The following PLEKHH2 variants were observed in gnomAD, a reference collection of about 807,000 sequenced individuals.
PLEKHH2 encodes pleckstrin homology, MyTH4 and FERM domain containing H2.
PLEKHH2 carries 129 observed loss-of-function variants against 187.9 expected under a neutral mutation model. The observed-to-expected ratio is 0.69, with a 90% CI of 0.59 to 0.79. PLEKHH2 has a LOEUF of 0.79. Among genes scored for constraint, PLEKHH2 ranks in the 30% least tolerant of loss-of-function variants. The pLI is 0.00. For synonymous variants in PLEKHH2, 686 were observed against 605.6 expected, an observed-to-expected ratio of 1.13 and a Z score of -1.95; for missense variants, 2,076 against 1,751.2, an observed-to-expected ratio of 1.19 and a Z score of -3.31.
intron 14 of PLEKHH2, 126 bp from the exon 15 acceptor site, chr2:43,712,099 T>G: frequency 7.4e-7 from 1 of 1,350,422 alleles, no homozygotes; most frequent in South Asian, 1.4e-5. Context: ...ATTTAGAAAC[T>G]GGGACTTGAG....
intron 2 of PLEKHH2, among the ~76,000 whole-genome samples, chr2:43,667,836 G>A (rs938212492): frequency 2.6e-5 from 4 of 152,114 alleles, no homozygotes; most frequent in African/African-American, 7.2e-5. Flanking sequence ...TGTTTGAGGT[G>A]ATGAAACTGT....
At chr2:43,744,092 C>T (rs1193250820) in intron 23 of PLEKHH2, 103 bp downstream of exon 23, 6 of 1,463,300 alleles carry the variant, frequency 4.1e-6, no homozygotes, top group Non-Finnish European at 5.4e-6. Flanking sequence ...AGGAGTTTTC[C>T]AAAACTTTAA....
chr2:43,659,155 A>ATTTTTTTCTTTTTT (rs1258327636), intron 2 of PLEKHH2, among the ~76,000 whole-genome samples: 3 of 142,796 alleles, frequency 2.1e-5, no homozygotes, highest in African/African-American at 5.7e-5. Flanking sequence ...GTATATATAT[A>ATTTTTTTCTTTTTT]TTTTTTTCTT....
intron 14 of PLEKHH2, 141 bp downstream of exon 14, chr2:43,710,716 A>T (rs1287616901): frequency 2.1e-6 from 3 of 1,431,264 alleles, no homozygotes; most frequent in Non-Finnish European, 2.7e-6. Context: ...CCTTGGAAGT[A>T]TGTGAAACTC....
At chr2:43,657,289 AT>A (rs939665343) in intron 2 of PLEKHH2, among the ~76,000 whole-genome samples, 5 of 152,162 alleles carry the variant, frequency 3.3e-5, no homozygotes, top group South Asian at 2.1e-4. Context: ...AGTAGTTGGG[AT>A]TACAGGTGCT....
chr2:43,655,024 C>G (rs894498638), intron 2 of PLEKHH2, among the ~76,000 whole-genome samples: 3 of 151,592 alleles, frequency 2.0e-5, no homozygotes, highest in Non-Finnish European at 4.4e-5. Flanking sequence ...GAGTGAGACT[C>G]CATCTCAAAA....
chr2:43,678,570 C>T (rs1248592300), intron 2 of PLEKHH2, among the ~76,000 whole-genome samples: 5 of 152,098 alleles, frequency 3.3e-5, no homozygotes, highest in Admixed American at 6.5e-5. Flanking sequence ...ACCAGTCAGG[C>T]GTGGCGGCGC....
At chr2:43,678,421 T>C (rs959751556) in intron 2 of PLEKHH2, among the ~76,000 whole-genome samples, 17 of 152,128 alleles carry the variant, frequency 1.1e-4, no homozygotes, top group Non-Finnish European at 1.8e-4. Flanking sequence ...CTGGGCACCA[T>C]TGAGCACTGA....
chr2:43,690,966 T>A (rs189864475), intron 3 of PLEKHH2, among the ~76,000 whole-genome samples: 1 of 152,354 alleles, frequency 6.6e-6, no homozygotes. Context: ...ATATTATCCA[T>A]GTAGGTTGGC....
intron 5 of PLEKHH2, among the ~76,000 whole-genome samples, 187 bp downstream of exon 5, chr2:43,694,701 T>C (rs1292447546): frequency 1.3e-5 from 2 of 152,202 alleles, no homozygotes; most frequent in East Asian, 1.9e-4. Flanking sequence ...AAATTAAACA[T>C]ATTAATAGAC....
Position 43,745,938 on chromosome 2 carries a change from A to T in PLEKHH2, c.3628A>T (p.Thr1210Ser), listed in dbSNP as rs764948155. ...QQPGKCEGTR[T>S]VRLTYKNRLY... ...GCCTGGAAAATGTGAAGGTACAAGG[A>T]CTGTTCGTCTGACATACAAAAACAG... Residue 1210 changes from threonine (T) to serine (S), a missense_variant, in exon 24 of 30, where the codon ACT (threonine) becomes TCT (serine). Thr to Ser is a moderately conservative substitution (Grantham distance 58). Transcript: ENST00000282406. 1 of 1,611,446 alleles carries T rather than the reference A, an allele frequency of 6.2e-7. No homozygotes were observed. Among genetic ancestry groups the T allele is most frequent in the Non-Finnish European group, 8.5e-7 (1 of 1,178,314 alleles).
At chr2:43,675,493 C>A (rs564351108) in intron 2 of PLEKHH2, 1 of 1,613,960 alleles carries the variant, frequency 6.2e-7, no homozygotes, top group East Asian at 2.2e-5. Flanking sequence ...GGGGGTCAGT[C>A]CATTGAAAGT....
At chr2:43,750,735 T>A (rs1412366830) in intron 24 of PLEKHH2, among the ~76,000 whole-genome samples, 1 of 152,202 alleles carries the variant, frequency 6.6e-6, no homozygotes, top group Non-Finnish European at 1.5e-5. Context: ...TGAAAGGGAA[T>A]TCTTCAGGAT....
rs185236156 is a variant in PLEKHH2 at position 43,740,049 on chromosome 2, C to G, written c.3124-897C>G. ...TTAAGGGCAGGGACAATGCCTATTT[C>G]TCCCTCTTTTTTAATATAACGTTTT... On this transcript the variant is annotated intron_variant, in intron 20 of 29. Coordinates refer to ENST00000282406, the MANE Select transcript of PLEKHH2 (RefSeq NM_172069.4). 7.9e-5 allele frequency among the ~76,000 whole-genome samples: 12 copies of G among 152,274 alleles called. No individual in the cohort carries two copies. In the East Asian group the frequency reaches 2.1e-3, roughly 27 times the overall value.
In PLEKHH2 at chr2:43,762,360, T is replaced by C; in HGVS notation, c.4128T>C (p.Asp1376=). 4 of 1,612,896 alleles carry C rather than the reference T, an allele frequency of 2.5e-6. No homozygotes were observed. Among genetic ancestry groups the C allele is most frequent in the Non-Finnish European group, 3.4e-6 (4 of 1,178,988 alleles). Residue 1376 remains aspartate, a synonymous_variant, in exon 28 of 30, where the codon GAT becomes GAC. Transcript: ENST00000282406. ...STFLWLAVHE[D]GLSLLEYNSM... is the part of the protein sequence containing the mutation. ...TCTTGTGGCTGGCTGTACATGAGGA[T>C]GGTTTAAGCCTCTTAGAATACAACT... is the stretch of plus-strand genomic sequence containing the variant.
intron 18 of PLEKHH2, among the ~76,000 whole-genome samples, chr2:43,729,950 G>A (rs1318155445): frequency 6.6e-6 from 1 of 151,886 alleles, no homozygotes; most frequent in Non-Finnish European, 1.5e-5. Context: ...TCTGTGTCAG[G>A]TCACCTCCCT....
At chr2:43,715,486 T>G (rs915731736) in intron 15 of PLEKHH2, among the ~76,000 whole-genome samples, 3 of 152,108 alleles carry the variant, frequency 2.0e-5, no homozygotes, top group Admixed American at 2.0e-4. Context: ...CAGATTACTC[T>G]GCTAAGAGGA....
At chr2:43,756,831 C>T (rs1336707446) in intron 25 of PLEKHH2, among the ~76,000 whole-genome samples, 1 of 152,012 alleles carries the variant, frequency 6.6e-6, no homozygotes. Context: ...TGCCTGTAGT[C>T]CCAGCTATTC....
At chr2:43,744,527 A>G (rs1671695010) in intron 23 of PLEKHH2, among the ~76,000 whole-genome samples, 1 of 152,178 alleles carries the variant, frequency 6.6e-6, no homozygotes, top group Non-Finnish European at 1.5e-5. Context: ...TAAGTTCAGC[A>G]TTGGGAGTTA....
Sources: allele counts gnomAD v4.1 joint callset (sites outside exome capture counted in the v4.1 genomes callset), GRCh38; gene constraint gnomAD v4.1.1; transcripts MANE v1.5; gene names NCBI Gene and HGNC (gene_info 2026-07-23, HGNC 2026-07-21).